The following RTTN variants were observed in gnomAD, a reference collection of about 807,000 sequenced individuals.
The protein encoded by RTTN is rotatin.
In RTTN, 182 loss-of-function variants were observed where a neutral mutation model predicts 269.2. That is an observed-to-expected ratio of 0.68 (90% CI 0.60 to 0.76). The LOEUF (loss-of-function observed/expected upper bound fraction) is 0.76, where lower values mean the gene tolerates loss of function less well. RTTN is among the 30% of genes least tolerant of loss of function. The pLI, the probability that RTTN is intolerant of heterozygous loss-of-function variation, is 0.00. For missense variants in RTTN, 2,545 were observed against 2,608.6 expected, an observed-to-expected ratio of 0.98 and a Z score of 0.53; for synonymous variants, 1,006 against 963.5, an observed-to-expected ratio of 1.04 and a Z score of -0.82.
chr18:70,190,652 T>C lies in RTTN; in HGVS notation c.1075A>G (p.Ile359Val), dbSNP rs527433108. The change falls in exon 9 of 49, where the codon ATA becomes GTA. Residue 359 changes from isoleucine (I) to valine (V), a missense_variant. Ile to Val is a conservative substitution (Grantham distance 29). Transcript: ENST00000640769. ...TCAGTTTCCAGCTCTGGCAGATCTATGTGTCCCATATCCAAAGGTGAATGA... is the reference window on the plus strand; with the variant it reads ...TCAGTTTCCAGCTCTGGCAGATCTACGTGTCCCATATCCAAAGGTGAATGA... ...SVHSPLDMGH[I>V]DLPELETEDT... The C allele has an allele frequency of 4.3e-6, 7 of 1,613,722 alleles. No homozygotes were observed. The highest frequency in any genetic ancestry group is 4.5e-5 in the East Asian group (2 of 44,872).
Position 70,177,270 on chromosome 18 carries a change from A to C in RTTN, c.1306-425T>G, listed in dbSNP as rs192887239. On this transcript the variant is annotated intron_variant, in intron 10 of 48. Transcript: ENST00000640769. ...AGGCATAATGAAAGAACAATGCATT[A>C]GTACAAGAGACATGATGATCTCTGT... Among the ~76,000 whole-genome samples, 364 of 152,326 alleles carry C rather than the reference A, an allele frequency of 2.4e-3. 1 individual carries two copies. Among genetic ancestry groups the C allele is most frequent in the African/African-American group, 8.4e-3 (350 of 41,586 alleles).
intron 40 of RTTN, among the ~76,000 whole-genome samples, chr18:70,032,416 C>T (rs1390053289): frequency 6.6e-6 from 1 of 152,166 alleles, no homozygotes; most frequent in Non-Finnish European, 1.5e-5. Context: ...TCCTTCATGC[C>T]GCCTTGCCTG....
In RTTN at chr18:70,184,703, G is replaced by GTTTT. The variant is rs374636456; in HGVS notation, c.1305+3401_1305+3404dup. ...TCAATTCCATTCAAAACCACAGCAG[G>GTTTT]TTTTTTTTTTTTTTGTGTGTGTGTG... On this transcript the variant is annotated intron_variant, in intron 10 of 48. Coordinates refer to ENST00000640769, the MANE Select transcript of RTTN (RefSeq NM_173630.4). 1.6e-3 allele frequency among the ~76,000 whole-genome samples: 43 copies of GTTTT among 26,372 alleles called. 7 individuals carry two copies. Among genetic ancestry groups the GTTTT allele is most frequent in the South Asian group, 0.012 (3 of 254 alleles). The allele number at this position is 26,372 out of a possible 152,430, so 17.3% of individuals were successfully genotyped here. A position where few individuals can be genotyped will look rare whatever the true frequency, so the allele number is the denominator to read the frequency against.
At chr18:70,065,995 A>G in intron 34 of RTTN, 73 bp from the exon 35 acceptor site, 1 of 1,036,098 alleles carries the variant, frequency 9.7e-7, no homozygotes, top group Middle Eastern at 2.2e-4. Context: ...CATACACACA[A>G]GATATCCTTA....
intron 30 of RTTN, among the ~76,000 whole-genome samples, 179 bp from the exon 31 acceptor site, chr18:70,088,326 A>G (rs1281881722): frequency 6.6e-6 from 1 of 152,222 alleles, no homozygotes; most frequent in East Asian, 1.9e-4. Context: ...AGAAAGCAGT[A>G]ATATAGGAAA....
At chr18:70,121,046 G>A (rs1016204297) in intron 26 of RTTN, among the ~76,000 whole-genome samples, 4 of 150,984 alleles carry the variant, frequency 2.6e-5, no homozygotes, top group Non-Finnish European at 2.9e-5. Context: ...GCGAGACGCC[G>A]TCTCAAAAAA....
At chr18:70,123,101 A>G (rs1372414003) in intron 25 of RTTN, among the ~76,000 whole-genome samples, 1 of 152,170 alleles carries the variant, frequency 6.6e-6, no homozygotes, top group African/African-American at 2.4e-5. Context: ...GAGAAATAAT[A>G]TATTCTGCAA....
At chr18:70,027,080 TCTC>T (rs1329254099) in intron 43 of RTTN, among the ~76,000 whole-genome samples, 1 of 152,128 alleles carries the variant, frequency 6.6e-6, no homozygotes, top group Admixed American at 6.5e-5. Context: ...CTACCCTCCT[TCTC>T]CTTTCTACCT....
intron 40 of RTTN, among the ~76,000 whole-genome samples, chr18:70,041,441 G>C (rs1187784527): frequency 6.6e-6 from 1 of 152,010 alleles, no homozygotes; most frequent in African/African-American, 2.4e-5. Flanking sequence ...AGAGGCAAGT[G>C]TATTAGGCTT....
intron 23 of RTTN, chr18:70,131,813 T>C (rs991541026): frequency 2.6e-5 from 4 of 151,278 alleles, no homozygotes; most frequent in African/African-American, 4.9e-5. Context: ...ATTGGACAAA[T>C]AGAAAATAGC....
intron 44 of RTTN, among the ~76,000 whole-genome samples, chr18:70,024,147 G>A (rs142331615): frequency 6.6e-6 from 1 of 152,122 alleles, no homozygotes; most frequent in South Asian, 2.1e-4. Context: ...ATGTCATCCT[G>A]TTACACTCAC....
At chr18:70,055,656 G>T (rs2057797475) in intron 37 of RTTN, among the ~76,000 whole-genome samples, 1 of 152,144 alleles carries the variant, frequency 6.6e-6, no homozygotes, top group South Asian at 2.1e-4. Flanking sequence ...ACCTCTGGAT[G>T]TATGAAATAT....
chr18:70,024,284 A>C (rs1369290), intron 44 of RTTN, among the ~76,000 whole-genome samples: 115,631 of 152,190 alleles, frequency 0.76, 51,365 homozygotes, highest in East Asian at 1. Context: ...TAAAGTGTCT[A>C]TCAAGTGCAT....
chr18:70,130,559 A>G (rs2059972308), intron 23 of RTTN: 1 of 151,084 alleles, frequency 6.6e-6, no homozygotes, highest in Non-Finnish European at 1.5e-5. Context: ...GTTCTCCTTT[A>G]TATGTGGGAG....
chr18:70,029,960 G>T, intron 42 of RTTN, 52 bp downstream of exon 42: 1 of 1,288,672 alleles, frequency 7.8e-7, no homozygotes, highest in Non-Finnish European at 1.1e-6. Flanking sequence ...AGGCACAAGA[G>T]GACTGGAGAA....
intron 27 of RTTN, among the ~76,000 whole-genome samples, chr18:70,111,789 A>G (rs990370406): frequency 2.0e-5 from 3 of 152,226 alleles, no homozygotes; most frequent in Non-Finnish European, 2.9e-5. Context: ...ATTCCAATTC[A>G]GGAAATACAG....
At chr18:70,114,809 G>GA (rs1158594275) in intron 26 of RTTN, among the ~76,000 whole-genome samples, 1 of 151,540 alleles carries the variant, frequency 6.6e-6, no homozygotes, top group Non-Finnish European at 1.5e-5. Context: ...ATATAAAATA[G>GA]AAAAAAAGGA....
At chr18:70,135,311 T>C (rs2060099049) in intron 21 of RTTN, 31 bp from the exon 22 acceptor site, 1 of 1,222,742 alleles carries the variant, frequency 8.2e-7, no homozygotes, top group South Asian at 1.3e-5. Flanking sequence ...CTTTATGAAA[T>C]ATTTGTACGT....
At chr18:70,052,378 T>G (rs1158988384) in intron 38 of RTTN, among the ~76,000 whole-genome samples, 1 of 152,174 alleles carries the variant, frequency 6.6e-6, no homozygotes, top group East Asian at 1.9e-4. Flanking sequence ...AGAGTTTATT[T>G]CAGAAAATGT....
Sources: allele counts gnomAD v4.1 joint callset (sites outside exome capture counted in the v4.1 genomes callset), GRCh38; gene constraint gnomAD v4.1.1; transcripts MANE v1.5; gene names NCBI Gene and HGNC (gene_info 2026-07-23, HGNC 2026-07-21).